The following ZPBP variants were observed in gnomAD, a reference collection of about 807,000 sequenced individuals.
ZPBP encodes the protein zona pellucida binding protein, also known as zona pellucida-binding protein 1.
ZPBP carries 26 observed loss-of-function variants against 44.8 expected under a neutral mutation model. That is an observed-to-expected ratio of 0.58 (90% confidence interval 0.43 to 0.81). The LOEUF is 0.81. Among genes scored for constraint, ZPBP ranks in the 30% least tolerant of loss-of-function variants. The pLI is 0.00. For synonymous variants in ZPBP, 174 were observed against 153.2 expected (o/e 1.14, Z -1.00); for missense variants, 409 against 434.0 (o/e 0.94, Z 0.51).
chr7:49,992,514 A>C (rs1406891548), intron 6 of ZPBP, among the ~76,000 whole-genome samples: 1 of 152,102 alleles, frequency 6.6e-6, no homozygotes, highest in Non-Finnish European at 1.5e-5. Context: ...ACAATAATGA[A>C]ACACAATGAA....
At chr7:49,971,295 T>C (rs1280614529) in intron 7 of ZPBP, among the ~76,000 whole-genome samples, 1 of 151,574 alleles carries the variant, frequency 6.6e-6, no homozygotes, top group African/African-American at 2.4e-5. Flanking sequence ...AATTAGGAAA[T>C]AGAAAAATAA....
At chr7:49,881,746 C>T (rs1029105174) in intron 2 of ZPBP, among the ~76,000 whole-genome samples, 4 of 152,102 alleles carry the variant, frequency 2.6e-5, no homozygotes, top group African/African-American at 9.7e-5. Context: ...ATAGGCAATT[C>T]ATCTCTTTAA....
chr7:49,969,636 T>C (rs12111650), intron 7 of ZPBP, among the ~76,000 whole-genome samples: 1 of 151,658 alleles, frequency 6.6e-6, no homozygotes, highest in African/African-American at 2.4e-5. Context: ...TAGAAAAGTA[T>C]GAGAAAAGAA....
intron 3 of ZPBP, among the ~76,000 whole-genome samples, chr7:50,065,382 G>C (rs113092922): frequency 2.7e-5 from 4 of 150,818 alleles, no homozygotes; most frequent in Admixed American, 6.6e-5. Flanking sequence ...CAAGAGAAAG[G>C]GTTTGGATCT....
intron 4 of ZPBP, among the ~76,000 whole-genome samples, chr7:50,054,606 T>C (rs1421188486): frequency 6.6e-6 from 1 of 152,114 alleles, no homozygotes; most frequent in Non-Finnish European, 1.5e-5. Context: ...GTTTTATATA[T>C]ATAGAAAATT....
At chr7:49,987,728 TTGTGTGTGTGTG>T (rs55971066) in intron 6 of ZPBP, among the ~76,000 whole-genome samples, 6,360 of 145,538 alleles carry the variant, frequency 0.044, 215 homozygotes, top group South Asian at 0.15. Flanking sequence ...TATATATGTG[TTGTGTGTGTGTG>T]TGTGTGTGTG....
downstream of ZPBP, among the ~76,000 whole-genome samples, chr7:49,850,203 G>T (rs2128716208): frequency 6.6e-6 from 1 of 152,320 alleles, no homozygotes; most frequent in East Asian, 1.9e-4. Flanking sequence ...GTCAGATAGG[G>T]TCTGTCATCA....
intron 3 of ZPBP, among the ~76,000 whole-genome samples, chr7:50,060,825 A>T (rs1291158966): frequency 2.0e-5 from 3 of 152,222 alleles, no homozygotes; most frequent in Non-Finnish European, 2.9e-5. Context: ...GGCCAGTATC[A>T]TTCTGATATG....
chr7:49,841,680 G>A, the ZPBP span, among the ~76,000 whole-genome samples: 2 of 152,200 alleles, frequency 1.3e-5, no homozygotes, highest in Non-Finnish European at 2.9e-5. Context: ...AATGTACTTA[G>A]CATGGTTTGC....
intron 7 of ZPBP, among the ~76,000 whole-genome samples, chr7:49,980,744 G>A (rs1044258168): frequency 2.6e-5 from 4 of 151,972 alleles, no homozygotes; most frequent in African/African-American, 4.8e-5. Context: ...CCCACGACCC[G>A]AACCTCTCCC....
chr7:50,070,114 C>T (rs1352653875), intron 3 of ZPBP, among the ~76,000 whole-genome samples: 1 of 150,534 alleles, frequency 6.6e-6, no homozygotes, highest in Non-Finnish European at 1.5e-5. Flanking sequence ...CCCAGGACTC[C>T]TCATCAGACT....
chr7:49,844,604 G>A, the ZPBP span, among the ~76,000 whole-genome samples: 2 of 152,230 alleles, frequency 1.3e-5, no homozygotes, highest in East Asian at 3.8e-4. Flanking sequence ...GATTGTGAGA[G>A]CCCTGGTCTT....
intron 7 of ZPBP, among the ~76,000 whole-genome samples, chr7:49,950,806 A>T (rs532186779): frequency 4.7e-4 from 71 of 151,860 alleles, no homozygotes; most frequent in African/African-American, 1.5e-3. Flanking sequence ...AAACATATTT[A>T]AAAAAATGAA....
intron 2 of ZPBP, among the ~76,000 whole-genome samples, chr7:49,871,052 G>T (rs1013409935): frequency 1.3e-5 from 2 of 152,098 alleles, no homozygotes; most frequent in African/African-American, 4.8e-5. Flanking sequence ...CAATAAATTG[G>T]AGAATTCAAC....
intron 6 of ZPBP, among the ~76,000 whole-genome samples, chr7:49,987,030 C>G (rs975260594): frequency 1.3e-5 from 2 of 152,136 alleles, no homozygotes; most frequent in African/African-American, 4.8e-5. Flanking sequence ...GGCCTGGGTT[C>G]AATCTTGGCT....
intron 5 of ZPBP, among the ~76,000 whole-genome samples, chr7:50,022,872 A>C (rs1799159287): frequency 6.6e-6 from 1 of 152,094 alleles, no homozygotes. Context: ...AGAAGTTCAG[A>C]GTGGACAAGC....
chr7:49,951,061 T>G (rs1249817123), intron 7 of ZPBP, among the ~76,000 whole-genome samples: 1 of 151,836 alleles, frequency 6.6e-6, no homozygotes, highest in Admixed American at 6.6e-5. Context: ...AATAATACAG[T>G]TGAACTCCTA....
At chr7:49,989,046 GTTCTGAGTAT>G (rs1350888909) in intron 6 of ZPBP, among the ~76,000 whole-genome samples, 1 of 152,104 alleles carries the variant, frequency 6.6e-6, no homozygotes, top group Non-Finnish European at 1.5e-5. Context: ...TTGGAAACTA[GTTCTGAGTAT>G]TCTTAATTTA....
chr7:49,990,229 T>C (rs1283854166), intron 6 of ZPBP, among the ~76,000 whole-genome samples: 1 of 152,176 alleles, frequency 6.6e-6, no homozygotes, highest in Non-Finnish European at 1.5e-5. Flanking sequence ...ATCCATGGCA[T>C]AAATGAGGTC....
Sources: allele counts gnomAD v4.1 joint callset (sites outside exome capture counted in the v4.1 genomes callset), GRCh38; gene constraint gnomAD v4.1.1; transcripts MANE v1.5; gene names NCBI Gene and HGNC (gene_info 2026-07-23, HGNC 2026-07-21).